The following LRRC4C variants were observed in gnomAD, a reference collection of about 807,000 sequenced individuals.
LRRC4C encodes the protein leucine-rich repeat-containing protein 4C.
A neutral mutation model predicts 33.6 loss-of-function variants in LRRC4C; 5 were observed. The observed-to-expected ratio is 0.15, with a 90% CI of 0.08 to 0.31. The LOEUF (loss-of-function observed/expected upper bound fraction) is 0.31, where lower values mean the gene tolerates loss of function less well. Ranked by LOEUF, LRRC4C falls within the 10% of genes least tolerant of loss-of-function variation. The pLI is 1.00. For synonymous variants in LRRC4C, 329 were observed against 302.0 expected, an observed-to-expected ratio of 1.09 and a Z score of -0.93; for missense variants, 560 against 796.7, an observed-to-expected ratio of 0.70 and a Z score of 3.58.
At chr11:40,906,062 C>A (rs1956402161) in intron 2 of LRRC4C, among the ~76,000 whole-genome samples, 1 of 152,218 alleles carries the variant, frequency 6.6e-6, no homozygotes, top group Non-Finnish European at 1.5e-5. Flanking sequence ...GGACCTACCA[C>A]CCTGGTCAGT....
chr11:41,065,253 G>T (rs750983783), intron 1 of LRRC4C, among the ~76,000 whole-genome samples: 4 of 152,148 alleles, frequency 2.6e-5, no homozygotes, highest in Non-Finnish European at 4.4e-5. Flanking sequence ...TTTTGTAGGT[G>T]GTTTTCCCCT....
intron 1 of LRRC4C, among the ~76,000 whole-genome samples, chr11:41,044,222 A>G (rs1485345159): frequency 6.6e-6 from 1 of 152,164 alleles, no homozygotes; most frequent in Non-Finnish European, 1.5e-5. Flanking sequence ...TAGTAACATG[A>G]AAAAGAATAG....
chr11:41,378,590 T>A (rs1403682757), intron 1 of LRRC4C, among the ~76,000 whole-genome samples: 1 of 152,128 alleles, frequency 6.6e-6, no homozygotes, highest in Non-Finnish European at 1.5e-5. Flanking sequence ...AACTAAGGAT[T>A]TATCCTTTGG....
chr11:40,695,735 A>G (rs1945469350), intron 2 of LRRC4C, among the ~76,000 whole-genome samples: 1 of 151,848 alleles, frequency 6.6e-6, no homozygotes, highest in South Asian at 2.1e-4. Context: ...AAAGCCAGCA[A>G]TTGCATCACT....
intron 3 of LRRC4C, among the ~76,000 whole-genome samples, chr11:40,347,908 C>T (rs1300717243): frequency 6.6e-6 from 1 of 152,110 alleles, no homozygotes; most frequent in Non-Finnish European, 1.5e-5. Context: ...GCACCCTGCC[C>T]ATTTGAAAAC....
At chr11:40,532,954 A>G (rs1245860684) in intron 3 of LRRC4C, among the ~76,000 whole-genome samples, 1 of 152,100 alleles carries the variant, frequency 6.6e-6, no homozygotes, top group African/African-American at 2.4e-5. Context: ...TGCAGGAGGA[A>G]CTACCAAACA....
intron 1 of LRRC4C, among the ~76,000 whole-genome samples, chr11:41,174,930 A>T (rs1194079555): frequency 6.6e-6 from 1 of 152,038 alleles, no homozygotes; most frequent in East Asian, 1.9e-4. Context: ...TGCCGATTTC[A>T]TGCCACAAAC....
intron 6 of LRRC4C, among the ~76,000 whole-genome samples, chr11:40,125,145 T>A (rs1590436296): frequency 6.6e-6 from 1 of 152,192 alleles, no homozygotes; most frequent in Non-Finnish European, 1.5e-5. Flanking sequence ...ACTAATGAGG[T>A]CTGAACATGT....
In LRRC4C at chr11:40,254,083, A is replaced by G. The variant is rs987527728; in HGVS notation, c.-175-12485T>C. On this transcript the variant is annotated intron_variant, in intron 4 of 6. Coordinates refer to ENST00000528697, the MANE Select transcript of LRRC4C (RefSeq NM_001258419.2). ...TCAGCAAGCTGACTTCTAGGTCCCA[A>G]TGTTTTCTGACCTTTCCCGTATCCT... 3.3e-5 allele frequency among the ~76,000 whole-genome samples: 5 copies of G among 152,302 alleles called. No individual in the cohort carries two copies. In the South Asian group the frequency reaches 1.0e-3, roughly 32 times the overall value.
At chr11:41,049,352 C>T (rs1858034642) in intron 1 of LRRC4C, among the ~76,000 whole-genome samples, 1 of 152,156 alleles carries the variant, frequency 6.6e-6, no homozygotes, top group Admixed American at 6.5e-5. Context: ...CCACATGGAA[C>T]TGTGAGTGCA....
In LRRC4C at chr11:40,902,835, T is replaced by TA. The variant is rs532277689; in HGVS notation, c.-407+30799dup. On this transcript the variant is annotated intron_variant, in intron 2 of 6. Transcript: ENST00000528697. ...GTGAGGAACCTGCAGAAGAAAAGTT[T>TA]AAAGCTAGCAGAGTTTGGTCTAGGG... is the stretch of plus-strand genomic sequence containing the variant. Among the ~76,000 whole-genome samples, 27 of 152,276 alleles carry TA rather than the reference T, an allele frequency of 1.8e-4. No homozygotes were observed. The South Asian group carries it at 5.2e-3, about 29-fold the overall frequency.
At chr11:40,743,732 C>T (rs1336915614) in intron 2 of LRRC4C, among the ~76,000 whole-genome samples, 2 of 152,138 alleles carry the variant, frequency 1.3e-5, no homozygotes, top group African/African-American at 4.8e-5. Context: ...CCTAAAACCT[C>T]TTTTAATACT....
intron 1 of LRRC4C, among the ~76,000 whole-genome samples, chr11:41,424,684 T>C (rs1263434145): frequency 6.6e-6 from 1 of 152,046 alleles, no homozygotes; most frequent in Non-Finnish European, 1.5e-5. Context: ...TTTAAATGTG[T>C]ATAATTTATG....
At chr11:40,522,074 G>A (rs1396250170) in intron 3 of LRRC4C, among the ~76,000 whole-genome samples, 1 of 152,164 alleles carries the variant, frequency 6.6e-6, no homozygotes, top group African/African-American at 2.4e-5. Context: ...CCAGGCTGGA[G>A]TGCGATGGCA....
At chr11:41,354,979 G>A (rs556427156) in intron 1 of LRRC4C, among the ~76,000 whole-genome samples, 22 of 152,016 alleles carry the variant, frequency 1.4e-4, no homozygotes, top group African/African-American at 5.1e-4. Flanking sequence ...AATTGCAACC[G>A]AAACAAAAGT....
At chr11:40,512,095 A>T in intron 3 of LRRC4C, among the ~76,000 whole-genome samples, 1 of 152,192 alleles carries the variant, frequency 6.6e-6, no homozygotes, top group East Asian at 1.9e-4. Flanking sequence ...CTATATCCTA[A>T]ATAGCAAGAA....
chr11:40,829,045 T>G (rs1952290939), intron 2 of LRRC4C, among the ~76,000 whole-genome samples: 2 of 151,950 alleles, frequency 1.3e-5, no homozygotes, highest in Non-Finnish European at 2.9e-5. Flanking sequence ...CAACACTTCC[T>G]GCTGTTCATT....
At chr11:41,218,191 C>G (rs1169564467) in intron 1 of LRRC4C, among the ~76,000 whole-genome samples, 1 of 151,012 alleles carries the variant, frequency 6.6e-6, no homozygotes, top group Non-Finnish European at 1.5e-5. Context: ...ATATCTAACA[C>G]AGTGTATAGT....
At chr11:41,456,044 A>G (rs1956162563) in intron 1 of LRRC4C, among the ~76,000 whole-genome samples, 1 of 152,124 alleles carries the variant, frequency 6.6e-6, no homozygotes, top group African/African-American at 2.4e-5. Flanking sequence ...TCCATCTTTT[A>G]TTTTGTAATT....
Sources: gnomAD v4.1 joint callset for allele counts (sites outside exome capture counted in the v4.1 genomes callset) on GRCh38, gnomAD v4.1.1 for gene constraint, MANE v1.5 for transcripts, NCBI Gene and HGNC (gene_info 2026-07-23, HGNC 2026-07-21) for gene names.